The following ZNF362 variants were observed in gnomAD, a reference collection of about 807,000 sequenced individuals.
ZNF362 encodes the protein rotund homolog.
In ZNF362, 11 loss-of-function variants were observed where a neutral mutation model predicts 42.9. The ratio of observed to expected loss-of-function variants is 0.26; its 90% CI spans 0.16 to 0.42. The LOEUF (loss-of-function observed/expected upper bound fraction) is 0.42. Among genes scored for constraint, ZNF362 ranks in the 20% least tolerant of loss-of-function variants. The pLI is 1.00. For missense variants in ZNF362, 362 were observed against 576.2 expected (o/e 0.63, Z 3.81); for synonymous variants, 255 against 257.3 (o/e 0.99, Z 0.09).
the ZNF362 span, among the ~76,000 whole-genome samples, chr1:33,238,326 C>CATAAA: frequency 0.079 from 6,720 of 85,232 alleles, 492 homozygotes; most frequent in Admixed American, 0.13. Flanking sequence ...CTCAAAATAA[C>CATAAA]ATAAAATAAA....
chr1:33,282,745 C>G (rs1340694486), intron 6 of ZNF362, among the ~76,000 whole-genome samples: 4 of 151,708 alleles, frequency 2.6e-5, no homozygotes, highest in Admixed American at 1.3e-4. Flanking sequence ...TCGCTTGAAC[C>G]CAGGAGATGG....
chr1:33,241,824 C>T, the ZNF362 span, among the ~76,000 whole-genome samples: 1 of 152,192 alleles, frequency 6.6e-6, no homozygotes, highest in Non-Finnish European at 1.5e-5. Context: ...CATCCTCCTG[C>T]CTTGACCTCC....
the ZNF362 span, among the ~76,000 whole-genome samples, chr1:33,224,666 G>C: frequency 6.6e-6 from 1 of 152,138 alleles, no homozygotes; most frequent in East Asian, 1.9e-4. Context: ...GAAACACATG[G>C]ACATGTCTAA....
the ZNF362 span, chr1:33,176,573 G>A: frequency 7.2e-5 from 41 of 569,924 alleles, no homozygotes; most frequent in Non-Finnish European, 1.2e-4. Context: ...CGGATGCCAC[G>A]TCTGCTCTGA....
the ZNF362 span, among the ~76,000 whole-genome samples, chr1:33,205,422 C>T: frequency 6.6e-6 from 1 of 151,834 alleles, no homozygotes; most frequent in Non-Finnish European, 1.5e-5. Context: ...GTGATGGAGG[C>T]TGCACTGAGC....
chr1:33,180,986 C>G, the ZNF362 span: 1 of 1,150,692 alleles, frequency 8.7e-7, no homozygotes, highest in Non-Finnish European at 1.2e-6. Flanking sequence ...CACCTCCAGC[C>G]CGGCCCCGCC....
intron 6 of ZNF362, among the ~76,000 whole-genome samples, chr1:33,289,601 C>A (rs889001878): frequency 5.3e-5 from 8 of 152,200 alleles, no homozygotes; most frequent in Non-Finnish European, 1.5e-5. Flanking sequence ...AGTGAGCAAA[C>A]CCTCATGAAA....
At chr1:33,202,684 T>C in the ZNF362 span, among the ~76,000 whole-genome samples, 2 of 151,704 alleles carry the variant, frequency 1.3e-5, no homozygotes, top group African/African-American at 2.4e-5. Context: ...AATCAATCAC[T>C]ATAATTTATC....
chr1:33,189,672 T>TAC, the ZNF362 span, among the ~76,000 whole-genome samples: 59 of 10,370 alleles, frequency 5.7e-3, 1 homozygote, highest in African/African-American at 9.8e-3. Context: ...TATATATATA[T>TAC]GTATATATAT....
the ZNF362 span, among the ~76,000 whole-genome samples, chr1:33,248,882 C>T: frequency 6.6e-6 from 1 of 152,234 alleles, no homozygotes; most frequent in East Asian, 1.9e-4. Context: ...CAGGCTCTCC[C>T]ATTTTATGGA....
the ZNF362 span, chr1:33,181,334 G>T: frequency 6.3e-7 from 1 of 1,579,724 alleles, no homozygotes; most frequent in Non-Finnish European, 8.6e-7. This position sits in a 1 kb window ranked among gnomAD's most constrained non-coding sequence, Gnocchi z 6.5. Context: ...CCGTGATGCA[G>T]CGGCGGCAGA....
chr1:33,212,627 C>G, the ZNF362 span, among the ~76,000 whole-genome samples: 2 of 152,116 alleles, frequency 1.3e-5, no homozygotes, highest in Non-Finnish European at 2.9e-5. Context: ...TGGCCTATCA[C>G]ATGGCAAGAG....
Position 33,294,431 on chromosome 1 carries a change from T to G in ZNF362, c.909-506T>G, listed in dbSNP as rs1323358042. 6.6e-6 allele frequency among the ~76,000 whole-genome samples: 1 copy of G among 152,062 alleles called. No individual in the cohort carries two copies. The highest frequency in any genetic ancestry group is 1.5e-5 in the Non-Finnish European group (1 of 68,010). ...TGCTGTCCCACATTCTCCCATTTAC[T>G]GGGGTGACCATGCAGCTGTCACGGA... On this transcript the variant is annotated intron_variant, in intron 6 of 8. Coordinates refer to ENST00000539719, the MANE Select transcript of ZNF362 (RefSeq NM_152493.3). This position sits in a 1 kb window ranked among gnomAD's most constrained non-coding sequence, Gnocchi z 4.2.
chr1:33,254,121 T>C (rs1645773193), upstream of ZNF362, among the ~76,000 whole-genome samples: 1 of 38,636 alleles, frequency 2.6e-5, no homozygotes, highest in African/African-American at 1.1e-4. Context: ...TTACATTTAG[T>C]AGTTCGTCTG....
chr1:33,188,605 A>T, the ZNF362 span, among the ~76,000 whole-genome samples: 2 of 152,102 alleles, frequency 1.3e-5, no homozygotes, highest in African/African-American at 4.8e-5. Flanking sequence ...GCCCTCCTTG[A>T]GGGGTGGTAC....
the ZNF362 span, among the ~76,000 whole-genome samples, chr1:33,243,864 T>G: frequency 5.9e-5 from 9 of 151,660 alleles, no homozygotes; most frequent in African/African-American, 1.9e-4. Flanking sequence ...CGCCTCGGCC[T>G]CCTTTGCAAA....
chr1:33,207,539 A>G, the ZNF362 span, among the ~76,000 whole-genome samples: 3 of 152,164 alleles, frequency 2.0e-5, no homozygotes, highest in Non-Finnish European at 4.4e-5. Flanking sequence ...GTCTTCCACA[A>G]TGGTTGAACT....
At chr1:33,147,880 C>T in the ZNF362 span, among the ~76,000 whole-genome samples, 2 of 152,206 alleles carry the variant, frequency 1.3e-5, no homozygotes, top group African/African-American at 4.8e-5. The surrounding 1 kb of genome is among the most constrained non-coding windows in gnomAD (Gnocchi z 8.1). Flanking sequence ...CTCTGGGCCT[C>T]ATCTTCCTCC....
At chr1:33,250,410 A>G in the ZNF362 span, among the ~76,000 whole-genome samples, 1 of 152,262 alleles carries the variant, frequency 6.6e-6, no homozygotes, top group East Asian at 1.9e-4. Flanking sequence ...GCAGCCATAA[A>G]AAGGAGCGAG....
Sources: gnomAD v4.1 joint callset for allele counts (sites outside exome capture counted in the v4.1 genomes callset) on GRCh38, gnomAD v4.1.1 for gene constraint, Gnocchi (gnomAD v3.1) non-coding constraint, MANE v1.5 for transcripts, NCBI Gene and HGNC (gene_info 2026-07-23, HGNC 2026-07-21) for gene names.